Variants in ABCA12 observed in about 807,000 individuals in gnomAD.
The protein encoded by ABCA12 is glucosylceramide transporter ABCA12.
In ABCA12, 156 loss-of-function variants were observed where a neutral mutation model predicts 293.5. The ratio of observed to expected loss-of-function variants is 0.53; its 90% CI spans 0.47 to 0.61. ABCA12 has a LOEUF of 0.61. Among genes scored for constraint, ABCA12 ranks in the 20% least tolerant of loss-of-function variants. The pLI is 0.00. For synonymous variants in ABCA12, 1,063 were observed against 1,108.0 expected (o/e 0.96, Z 0.81); for missense variants, 2,797 against 3,090.2 (o/e 0.91, Z 2.25).
At chr2:215,070,756 A>G (rs906045071) in intron 2 of ABCA12, among the ~76,000 whole-genome samples, 1 of 152,022 alleles carries the variant, frequency 6.6e-6, no homozygotes, top group African/African-American at 2.4e-5. Flanking sequence ...GAGTATGTGA[A>G]TCTGGTTTAC....
Position 214,985,469 on chromosome 2 carries a change from T to C in ABCA12, c.4163+1073A>G, listed in dbSNP as rs539298404. ...AGTAATGGGCACTAGGCTTAATACC[T>C]GAGTGATGAAATAATCTGTAAAACA... On this transcript the variant is annotated intron_variant, in intron 28 of 52. Coordinates refer to ENST00000272895, the MANE Select transcript of ABCA12 (RefSeq NM_173076.3). 3.9e-5 allele frequency among the ~76,000 whole-genome samples: 6 copies of C among 152,298 alleles called. No homozygotes were observed. The East Asian group carries it at 1.2e-3, about 29-fold the overall frequency.
chr2:215,024,491 C>G (rs1209023090), intron 11 of ABCA12, among the ~76,000 whole-genome samples: 1 of 152,164 alleles, frequency 6.6e-6, no homozygotes, highest in Admixed American at 6.5e-5. Context: ...GGTATTTAAA[C>G]TTGTCCTTGA....
intron 4 of ABCA12, among the ~76,000 whole-genome samples, chr2:215,053,067 G>A (rs1701351979): frequency 6.6e-6 from 1 of 152,062 alleles, no homozygotes. Context: ...TCTCCTCAAA[G>A]TGGTTTCTGA....
At chr2:215,121,732 G>C (rs1311020536) in intron 1 of ABCA12, among the ~76,000 whole-genome samples, 1 of 152,116 alleles carries the variant, frequency 6.6e-6, no homozygotes, top group Non-Finnish European at 1.5e-5. Flanking sequence ...TGAATCATGG[G>C]GGCGGGTCTT....
chr2:215,061,280 A>C (rs1266099629), intron 3 of ABCA12, among the ~76,000 whole-genome samples: 1 of 152,076 alleles, frequency 6.6e-6, no homozygotes, highest in African/African-American at 2.4e-5. Flanking sequence ...AGATGTATAA[A>C]TTTAATAACA....
intron 22 of ABCA12, among the ~76,000 whole-genome samples, chr2:214,998,160 C>A (rs1700074907): frequency 6.6e-6 from 1 of 152,080 alleles, no homozygotes; most frequent in Non-Finnish European, 1.5e-5. Context: ...AAATTCTTAT[C>A]TAAAAGGCAG....
At chr2:215,045,531 G>C (rs1218027489) in intron 7 of ABCA12, among the ~76,000 whole-genome samples, 1 of 152,154 alleles carries the variant, frequency 6.6e-6, no homozygotes, top group South Asian at 2.1e-4. Flanking sequence ...ACTGGAGTCA[G>C]TGCTGCAATA....
intron 28 of ABCA12, among the ~76,000 whole-genome samples, chr2:214,986,087 C>T (rs1699779296): frequency 6.6e-6 from 1 of 152,062 alleles, no homozygotes; most frequent in South Asian, 2.1e-4. Context: ...TATCAGGATG[C>T]AAAATTTCAT....
chr2:214,991,119 T>C, intron 23 of ABCA12, 88 bp from the exon 24 acceptor site: 2 of 1,196,480 alleles, frequency 1.7e-6, no homozygotes, highest in Non-Finnish European at 1.2e-6. Flanking sequence ...AATGTCATGA[T>C]AGTCTCTCTG....
chr2:214,981,111 A>G (rs1276688009), intron 30 of ABCA12, among the ~76,000 whole-genome samples: 1 of 151,558 alleles, frequency 6.6e-6, no homozygotes, highest in African/African-American at 2.4e-5. Context: ...AAAAGAAAGG[A>G]AAAAAAGAAG....
At chr2:214,975,699 C>G in intron 34 of ABCA12, 86 bp downstream of exon 34, 3 of 1,560,444 alleles carry the variant, frequency 1.9e-6, no homozygotes, top group Non-Finnish European at 1.8e-6. Context: ...ACTTTATTCT[C>G]CAGATCTCAT....
chr2:215,094,985 C>T (rs1702221798), intron 2 of ABCA12, among the ~76,000 whole-genome samples: 2 of 152,174 alleles, frequency 1.3e-5, no homozygotes, highest in African/African-American at 4.8e-5. Flanking sequence ...GGGACAGGCA[C>T]ATGTATGCTA....
chr2:215,044,392 T>C (rs1206362979), intron 7 of ABCA12: 1 of 152,152 alleles, frequency 6.6e-6, no homozygotes, highest in Non-Finnish European at 1.5e-5. Flanking sequence ...GTCTGAATAT[T>C]ATTGACTCTT....
intron 2 of ABCA12, among the ~76,000 whole-genome samples, chr2:215,110,225 T>C (rs1702543384): frequency 6.6e-6 from 1 of 152,156 alleles, no homozygotes; most frequent in Admixed American, 6.5e-5. Context: ...AGTAAGGCAC[T>C]GTTGGCTGGG....
intron 43 of ABCA12, 96 bp from the exon 44 acceptor site, chr2:214,954,203 T>TAA: frequency 7.5e-7 from 1 of 1,335,044 alleles, no homozygotes; most frequent in Non-Finnish European, 1.0e-6. Flanking sequence ...TAGTGAAACC[T>TAA]AAAAAGCTTA....
intron 1 of ABCA12, among the ~76,000 whole-genome samples, chr2:215,118,922 A>G (rs968120214): frequency 1.3e-5 from 2 of 152,126 alleles, no homozygotes; most frequent in Non-Finnish European, 2.9e-5. Context: ...TGTTACATGC[A>G]TAGTTTGAGA....
intron 1 of ABCA12, among the ~76,000 whole-genome samples, chr2:215,123,220 C>CTGGAGTGCAG (rs1462843455): frequency 6.6e-6 from 1 of 152,050 alleles, no homozygotes. Context: ...GCTGCTCAGG[C>CTGGAGTGCAG]TGGAGTGCAG....
At chr2:214,987,564 A>T in intron 27 of ABCA12, 83 bp downstream of exon 27, 1 of 1,513,838 alleles carries the variant, frequency 6.6e-7, no homozygotes, top group Middle Eastern at 1.8e-4. Context: ...TGCCATTTAG[A>T]AAAAAATAAT....
chr2:215,018,731 C>T (rs1299976941), intron 13 of ABCA12, among the ~76,000 whole-genome samples: 1 of 152,174 alleles, frequency 6.6e-6, no homozygotes, highest in African/African-American at 2.4e-5. Flanking sequence ...TAGATTTTAG[C>T]AGATTGTAAT....
Sources: allele counts gnomAD v4.1 joint callset (sites outside exome capture counted in the v4.1 genomes callset), GRCh38; gene constraint gnomAD v4.1.1; transcripts MANE v1.5; gene names NCBI Gene and HGNC (gene_info 2026-07-23, HGNC 2026-07-21).